Variants in SIPA1L1 observed in about 807,000 individuals in gnomAD.
SIPA1L1 encodes the protein signal-induced proliferation-associated 1-like protein 1.
A neutral mutation model predicts 162.7 loss-of-function variants in SIPA1L1; 26 were observed. That is an observed-to-expected ratio of 0.16 (90% CI 0.12 to 0.22). The LOEUF (loss-of-function observed/expected upper bound fraction) is 0.22. Among genes scored for constraint, SIPA1L1 ranks in the 10% least tolerant of loss-of-function variants. SIPA1L1 has a pLI of 1.00. For missense variants in SIPA1L1, 1,874 were observed against 2,241.0 expected, an observed-to-expected ratio of 0.84 and a Z score of 3.31; for synonymous variants, 829 against 837.4, an observed-to-expected ratio of 0.99 and a Z score of 0.17.
intron 2 of SIPA1L1, among the ~76,000 whole-genome samples, chr14:71,364,872 A>G (rs2038139486): frequency 6.6e-6 from 1 of 151,652 alleles, no homozygotes. Context: ...CAGCCTCCCC[A>G]GTAGCCAGGA....
At chr14:71,512,599 A>G (rs1414120277) in intron 2 of SIPA1L1, 144 bp from the exon 3 acceptor site, 1 of 146,740 alleles carries the variant, frequency 6.8e-6, no homozygotes, top group Non-Finnish European at 1.5e-5. Context: ...AAAAAAAAAA[A>G]AAAAGGTTCT....
At chr14:71,666,815 G>A (rs1378073738) in intron 10 of SIPA1L1, among the ~76,000 whole-genome samples, 3 of 150,512 alleles carry the variant, frequency 2.0e-5, no homozygotes, top group African/African-American at 7.3e-5. Flanking sequence ...TAGGCAGGGA[G>A]GAAGCGTGAT....
At chr14:71,692,477 C>T (rs1303998588) in intron 13 of SIPA1L1, among the ~76,000 whole-genome samples, 1 of 152,176 alleles carries the variant, frequency 6.6e-6, no homozygotes, top group Non-Finnish European at 1.5e-5. Context: ...TTAAAGTGAC[C>T]GGACTCTGAA....
chr14:71,599,147 CTTTTTTTTT>C (rs35037397), intron 5 of SIPA1L1, among the ~76,000 whole-genome samples: 1 of 106,200 alleles, frequency 9.4e-6, no homozygotes, highest in Non-Finnish European at 1.8e-5. Flanking sequence ...TGATTTCATT[CTTTTTTTTT>C]TTTTTTTTTT....
intron 2 of SIPA1L1, among the ~76,000 whole-genome samples, chr14:71,432,838 G>A (rs747964270): frequency 1.3e-5 from 2 of 152,154 alleles, no homozygotes; most frequent in African/African-American, 2.4e-5. Flanking sequence ...TTTGCGAACT[G>A]CTTTTATATG....
chr14:71,455,668 A>T (rs1368586086), intron 2 of SIPA1L1, among the ~76,000 whole-genome samples: 2 of 152,196 alleles, frequency 1.3e-5, no homozygotes, highest in African/African-American at 4.8e-5. Flanking sequence ...TAATCTTTAA[A>T]ATCATCCTGT....
intron 2 of SIPA1L1, among the ~76,000 whole-genome samples, chr14:71,486,594 G>T (rs2048777013): frequency 6.6e-6 from 1 of 152,196 alleles, no homozygotes; most frequent in Non-Finnish European, 1.5e-5. Flanking sequence ...AGTGGAAACT[G>T]AGTTTGAAAA....
intron 4 of SIPA1L1, among the ~76,000 whole-genome samples, chr14:71,578,060 G>A (rs558488240): frequency 6.6e-6 from 1 of 151,924 alleles, no homozygotes; most frequent in Non-Finnish European, 1.5e-5. Flanking sequence ...ACAGGCACAC[G>A]CTATCATGCC....
At chr14:71,565,950 A>G (rs966650694) in intron 4 of SIPA1L1, among the ~76,000 whole-genome samples, 1 of 152,112 alleles carries the variant, frequency 6.6e-6, no homozygotes, top group Non-Finnish European at 1.5e-5. Context: ...TAAATTTAAC[A>G]TTATATCTTA....
intron 2 of SIPA1L1, among the ~76,000 whole-genome samples, chr14:71,363,369 A>G (rs1020617526): frequency 6.6e-6 from 1 of 152,228 alleles, no homozygotes; most frequent in African/African-American, 2.4e-5. Flanking sequence ...ATGCCAAACA[A>G]AGACAGAAAC....
chr14:71,435,571 A>G (rs1402297598), intron 2 of SIPA1L1, among the ~76,000 whole-genome samples: 2 of 152,112 alleles, frequency 1.3e-5, no homozygotes, highest in African/African-American at 4.8e-5. Flanking sequence ...AATCCAGTCT[A>G]TCATTGATGG....
chr14:71,503,834 G>A (rs960260744), intron 2 of SIPA1L1: 5 of 151,360 alleles, frequency 3.3e-5, no homozygotes, highest in African/African-American at 7.3e-5. Context: ...ACAGAGTCTC[G>A]GTCTTGTCAC....
At chr14:71,664,195 G>C (rs1596753409) in intron 10 of SIPA1L1, among the ~76,000 whole-genome samples, 1 of 151,976 alleles carries the variant, frequency 6.6e-6, no homozygotes, top group African/African-American at 2.4e-5. Context: ...ATAAAACATG[G>C]GTCTTCAAAG....
intron 2 of SIPA1L1, among the ~76,000 whole-genome samples, chr14:71,427,931 C>T (rs1421675599): frequency 6.6e-6 from 1 of 151,766 alleles, no homozygotes; most frequent in South Asian, 2.1e-4. Flanking sequence ...TTTGAATGGG[C>T]AGTATTTTCC....
rs2081892291 is a variant in SIPA1L1, at chr14:71,699,145, C to T, written c.3521+18C>T. 1 of 1,612,798 alleles carries T rather than the reference C, an allele frequency of 6.2e-7. No homozygotes were observed. Among genetic ancestry groups the T allele is most frequent in the African/African-American group, 1.3e-5 (1 of 74,892 alleles). On this transcript the variant is annotated intron_variant, in intron 14 of 23. Transcript: ENST00000381232. Reference sequence around the variant, plus strand: ...CCCGAAGGGTAGTTATGCGTTTGTCCCATTGTACATGGTCCCTGTTGGCAT... The same window carrying T: ...CCCGAAGGGTAGTTATGCGTTTGTCTCATTGTACATGGTCCCTGTTGGCAT...
At chr14:71,575,747 C>T (rs1466276028) in intron 4 of SIPA1L1, among the ~76,000 whole-genome samples, 1 of 152,102 alleles carries the variant, frequency 6.6e-6, no homozygotes, top group East Asian at 1.9e-4. Context: ...TTCTGTGTCA[C>T]TTCTTGTTAA....
intron 2 of SIPA1L1, among the ~76,000 whole-genome samples, chr14:71,463,703 A>C (rs747354647): frequency 3.9e-5 from 6 of 152,172 alleles, no homozygotes; most frequent in Non-Finnish European, 7.4e-5. Context: ...AAATTGATTG[A>C]GGGGCCATGA....
chr14:71,515,403 A>G (rs2051611246), intron 3 of SIPA1L1, among the ~76,000 whole-genome samples: 1 of 152,216 alleles, frequency 6.6e-6, no homozygotes, highest in African/African-American at 2.4e-5. Context: ...GTTAACCTGT[A>G]TAATTGCTTC....
At chr14:71,611,585 C>T (rs895314866) in intron 5 of SIPA1L1, among the ~76,000 whole-genome samples, 1 of 147,158 alleles carries the variant, frequency 6.8e-6, no homozygotes, top group African/African-American at 2.7e-5. Context: ...GGCCCCAGTG[C>T]GTGATATTCC....
Sources: gnomAD v4.1 joint callset for allele counts (sites outside exome capture counted in the v4.1 genomes callset) on GRCh38, gnomAD v4.1.1 for gene constraint, MANE v1.5 for transcripts, NCBI Gene and HGNC (gene_info 2026-07-23, HGNC 2026-07-21) for gene names.